GALNT13: variants seen among roughly 807,000 people sequenced by gnomAD.
The protein encoded by GALNT13 is polypeptide N-acetylgalactosaminyltransferase 13.
A neutral mutation model predicts 64.2 loss-of-function variants in GALNT13; 28 were observed. The ratio of observed to expected loss-of-function variants is 0.44; its 90% CI spans 0.32 to 0.60. GALNT13 has a LOEUF of 0.60. Ranked by LOEUF, GALNT13 falls within the 20% of genes least tolerant of loss-of-function variation. The pLI is 0.05. For missense variants in GALNT13, 577 were observed against 669.8 expected (o/e 0.86, Z 1.53); for synonymous variants, 214 against 224.6 (o/e 0.95, Z 0.42).
chr2:153,101,098 A>G, the GALNT13 span, among the ~76,000 whole-genome samples: 10 of 152,334 alleles, frequency 6.6e-5, no homozygotes, highest in South Asian at 4.1e-4. Flanking sequence ...GTTATGATGT[A>G]AATAACATAA....
At chr2:153,765,653 G>T in the GALNT13 span, among the ~76,000 whole-genome samples, 1 of 152,128 alleles carries the variant, frequency 6.6e-6, no homozygotes, top group Non-Finnish European at 1.5e-5. Context: ...AGGCATGATT[G>T]TGTTTTTAAA....
chr2:153,275,207 G>C, the GALNT13 span, among the ~76,000 whole-genome samples: 1 of 152,112 alleles, frequency 6.6e-6, no homozygotes, highest in Non-Finnish European at 1.5e-5. Flanking sequence ...ATTTAGTTTA[G>C]TGAGTTTTTT....
chr2:153,237,702 T>G, the GALNT13 span, among the ~76,000 whole-genome samples: 3 of 152,046 alleles, frequency 2.0e-5, no homozygotes, highest in Non-Finnish European at 4.4e-5. Context: ...GCTGTGTATA[T>G]GTACCATATT....
intron 5 of GALNT13, 93 bp from the exon 6 acceptor site, chr2:154,242,605 T>G: frequency 1.3e-6 from 1 of 776,464 alleles, no homozygotes; most frequent in Non-Finnish European, 2.1e-6. Flanking sequence ...TGGCCACCAT[T>G]TCTGTGTGTT....
At chr2:153,743,515 C>T in the GALNT13 span, among the ~76,000 whole-genome samples, 1 of 64,866 alleles carries the variant, frequency 1.5e-5, no homozygotes, top group Non-Finnish European at 5.4e-5. Context: ...TTCTTTGAAG[C>T]TTTTTGTTTA....
chr2:153,345,539 A>AG, the GALNT13 span, among the ~76,000 whole-genome samples: 11 of 152,256 alleles, frequency 7.2e-5, no homozygotes, highest in South Asian at 8.3e-4. Context: ...GAGATTCAGT[A>AG]GGGGGCATAC....
At chr2:153,962,142 A>G (rs898505956) in intron 3 of GALNT13, among the ~76,000 whole-genome samples, 1 of 152,176 alleles carries the variant, frequency 6.6e-6, no homozygotes, top group African/African-American at 2.4e-5. Flanking sequence ...TGGCCCATAT[A>G]ATTTGATTTA....
chr2:153,363,939 A>G, the GALNT13 span, among the ~76,000 whole-genome samples: 1 of 152,212 alleles, frequency 6.6e-6, no homozygotes, highest in African/African-American at 2.4e-5. Flanking sequence ...CAACAAAAAA[A>G]GAAAACTTCA....
In GALNT13 at chr2:154,227,665, C is replaced by A. The variant is rs1293231365; in HGVS notation, c.312-14365C>A. On this transcript the variant is annotated intron_variant, in intron 4 of 12. Coordinates refer to ENST00000392825, the MANE Select transcript of GALNT13 (RefSeq NM_052917.4). ...TCCCTACGAAGGACATGAACTCATC[C>A]TTTTTTGTGGCTGCATACTATTCCA... Among the ~76,000 whole-genome samples the A allele has an allele frequency of 7.9e-5, 12 of 151,874 alleles. No homozygotes were observed. In the East Asian group the frequency reaches 2.3e-3, roughly 30 times the overall value.
intron 2 of GALNT13, among the ~76,000 whole-genome samples, chr2:153,940,171 A>G (rs1475522262): frequency 6.6e-6 from 1 of 150,842 alleles, no homozygotes; most frequent in East Asian, 1.9e-4. Flanking sequence ...TTTGTCTCTT[A>G]GTTTAACCTT....
intron 7 of GALNT13, among the ~76,000 whole-genome samples, chr2:154,256,572 A>G (rs1690387226): frequency 6.6e-6 from 1 of 152,182 alleles, no homozygotes; most frequent in Non-Finnish European, 1.5e-5. Context: ...GTGAGGGTAT[A>G]TAGAGAGAGA....
chr2:153,957,622 C>G (rs1692656302), intron 3 of GALNT13, among the ~76,000 whole-genome samples: 4 of 152,188 alleles, frequency 2.6e-5, no homozygotes, highest in Admixed American at 2.6e-4. Flanking sequence ...GATTCTGGCC[C>G]AGGGGCAGGC....
the GALNT13 span, among the ~76,000 whole-genome samples, chr2:153,325,586 G>A: frequency 6.6e-6 from 1 of 152,156 alleles, no homozygotes; most frequent in African/African-American, 2.4e-5. Context: ...TAGTTGTGAT[G>A]CTTGGGTGTT....
the GALNT13 span, among the ~76,000 whole-genome samples, chr2:153,624,892 T>C: frequency 2.0e-5 from 3 of 151,192 alleles, no homozygotes; most frequent in East Asian, 3.9e-4. Context: ...ACAGTTGATA[T>C]ACTATAAAAT....
chr2:153,736,240 C>A, the GALNT13 span, among the ~76,000 whole-genome samples: 10 of 152,274 alleles, frequency 6.6e-5, no homozygotes, highest in East Asian at 1.9e-3. Context: ...CTCATGGATT[C>A]TCACTCTACT....
chr2:153,177,057 A>G, the GALNT13 span, among the ~76,000 whole-genome samples: 1 of 151,868 alleles, frequency 6.6e-6, no homozygotes, highest in Non-Finnish European at 1.5e-5. Flanking sequence ...ACAAGAAGGA[A>G]TAAGGAGCAT....
chr2:154,306,219 G>T, intron 9 of GALNT13, among the ~76,000 whole-genome samples: 1 of 151,992 alleles, frequency 6.6e-6, no homozygotes, highest in East Asian at 1.9e-4. Flanking sequence ...TGTTACATAG[G>T]TATACACGTG....
the GALNT13 span, among the ~76,000 whole-genome samples, chr2:153,223,838 C>T: frequency 7.2e-5 from 11 of 151,996 alleles, no homozygotes; most frequent in African/African-American, 2.7e-4. Context: ...GGTGTGGTGG[C>T]ACCTGCCTAT....
intron 2 of GALNT13, among the ~76,000 whole-genome samples, chr2:153,930,396 T>G (rs1217844419): frequency 6.6e-6 from 1 of 152,198 alleles, no homozygotes; most frequent in African/African-American, 2.4e-5. Flanking sequence ...CATCATGAAA[T>G]CTTTGCTGGG....
Sources: allele counts gnomAD v4.1 joint callset (sites outside exome capture counted in the v4.1 genomes callset), GRCh38; gene constraint gnomAD v4.1.1; transcripts MANE v1.5; gene names NCBI Gene and HGNC (gene_info 2026-07-23, HGNC 2026-07-21).